DGCR2: variants seen among roughly 807,000 people sequenced by gnomAD.
The protein encoded by DGCR2 is DiGeorge syndrome critical region gene 2, also known as integral membrane protein DGCR2/IDD.
Under a neutral mutation model 51.6 loss-of-function variants are expected in DGCR2, and 24 were observed. The observed-to-expected ratio is 0.47, with a 90% CI of 0.34 to 0.65. The LOEUF is 0.65. Ranked by LOEUF, DGCR2 falls within the 30% of genes least tolerant of loss-of-function variation. The pLI is 0.01. For synonymous variants in DGCR2, 340 were observed against 315.4 expected (o/e 1.08, Z -0.82); for missense variants, 765 against 772.1 (o/e 0.99, Z 0.11).
At chr22:19,089,038 C>T (rs1205259060) in intron 2 of DGCR2, among the ~76,000 whole-genome samples, 1 of 152,084 alleles carries the variant, frequency 6.6e-6, no homozygotes, top group Non-Finnish European at 1.5e-5. Flanking sequence ...GGGATAAGGT[C>T]AGAGAGGTGG....
chr22:19,111,491 AG>A (rs60431479), intron 1 of DGCR2, among the ~76,000 whole-genome samples: 1 of 152,328 alleles, frequency 6.6e-6, no homozygotes, highest in East Asian at 1.9e-4. Context: ...TCTACTTAAA[AG>A]CTAAGTGATG....
intron 1 of DGCR2, among the ~76,000 whole-genome samples, chr22:19,103,697 G>GGATT (rs547646623): frequency 1.1e-3 from 160 of 142,704 alleles, no homozygotes; most frequent in African/African-American, 4.0e-3. Context: ...TAAAGTGTTG[G>GGATT]GATTACAGGC....
chr22:19,062,775 G>GCATT lies in DGCR2; in HGVS notation c.625+426_625+427insAATG, dbSNP rs1555903875. On this transcript the variant is annotated intron_variant, in intron 5 of 9. Coordinates refer to ENST00000263196, the MANE Select transcript of DGCR2 (RefSeq NM_005137.3). ...TCTTTGCGCACACACACACATGCATGCTCACTCTCTCTCTCTCTCTCTCTC... is the reference window on the plus strand; with the variant it reads ...TCTTTGCGCACACACACACATGCATGCATTCTCACTCTCTCTCTCTCTCTCTCTC... 9.1e-3 allele frequency among the ~76,000 whole-genome samples: 992 copies of GCATT among 108,638 alleles called. 19 individuals are homozygous for GCATT. The highest frequency in any genetic ancestry group is 0.014 in the Non-Finnish European group (736 of 51,280). 71.3% of individuals were successfully genotyped at this position (108,638 alleles called of 152,430 possible).
intron 7 of DGCR2, among the ~76,000 whole-genome samples, chr22:19,045,859 T>C (rs1206995591): frequency 2.6e-5 from 4 of 152,212 alleles, no homozygotes; most frequent in African/African-American, 7.2e-5. Context: ...CCTGAGTAGC[T>C]GGTATTATAG....
At chr22:19,112,419 G>GTAATACCAGCACTTTGGGA (rs1555911206) in intron 1 of DGCR2, among the ~76,000 whole-genome samples, 7 of 146,512 alleles carry the variant, frequency 4.8e-5, no homozygotes, top group African/African-American at 7.5e-5. Context: ...TAATAAACAT[G>GTAATACCAGCACTTTGGGA]GTTTCAAATC....
In DGCR2 at chr22:19,041,972, G is replaced by A. The variant is rs1175609853; in HGVS notation, c.1007-13C>T. The A allele has an allele frequency of 1.9e-6, 3 of 1,610,390 alleles. No individual in the cohort carries two copies. Among genetic ancestry groups the A allele is most frequent in the South Asian group, 1.1e-5 (1 of 90,694 alleles). On this transcript the variant is annotated splice_polypyrimidine_tract_variant and intron_variant, in intron 7 of 9. Coordinates refer to ENST00000263196, the MANE Select transcript of DGCR2 (RefSeq NM_005137.3). ...AGACTGTTGCCATCTGAGGGGGAGG[G>A]GAGGAAATGGCCGCTCTGAGAAGGG...
chr22:19,115,210 C>T (rs530078308), intron 1 of DGCR2, among the ~76,000 whole-genome samples: 26 of 152,344 alleles, frequency 1.7e-4, no homozygotes, highest in South Asian at 6.2e-4. Flanking sequence ...TCACACAGGG[C>T]AGTCCAGTTC....
chr22:19,099,681 T>C (rs2083180088), intron 1 of DGCR2, among the ~76,000 whole-genome samples: 1 of 151,894 alleles, frequency 6.6e-6, no homozygotes, highest in South Asian at 2.1e-4. Context: ...TTAAAAACAG[T>C]CACCCTTGGC....
At chr22:19,062,882 G>A (rs757091152) in intron 5 of DGCR2, among the ~76,000 whole-genome samples, 1 of 151,332 alleles carries the variant, frequency 6.6e-6, no homozygotes, top group Non-Finnish European at 1.5e-5. Context: ...CTCCCCTCCA[G>A]CCTGCCAGGG....
At chr22:19,043,576 G>A (rs1415763800) in intron 7 of DGCR2, among the ~76,000 whole-genome samples, 1 of 152,144 alleles carries the variant, frequency 6.6e-6, no homozygotes, top group South Asian at 2.1e-4. Flanking sequence ...AAGAGTGAAG[G>A]CCAGGGAGGC....
chr22:19,082,960 G>C (rs944553008), intron 2 of DGCR2, among the ~76,000 whole-genome samples: 2 of 151,702 alleles, frequency 1.3e-5, no homozygotes, highest in East Asian at 3.9e-4. Flanking sequence ...GGTGGTGCAC[G>C]CTTGTAGTCC....
At position 19,080,418 on chromosome 22, in the gene DGCR2, A is replaced by C. The variant is rs190907933; in HGVS notation, c.202+8950T>G. Among the ~76,000 whole-genome samples the C allele has an allele frequency of 5.6e-4, 86 of 152,338 alleles. 1 individual carries two copies. Among genetic ancestry groups the C allele is most frequent in the African/African-American group, 1.3e-3 (54 of 41,574 alleles). ...AACAATATAAAGAAGTATTCATGGG[A>C]TGTTTTACATTCTTTTTTTGTACTA... On this transcript the variant is annotated intron_variant, in intron 2 of 9. Transcript: ENST00000263196.
At chr22:19,051,496 G>T (rs1340845699) in intron 6 of DGCR2, among the ~76,000 whole-genome samples, 3 of 152,146 alleles carry the variant, frequency 2.0e-5, no homozygotes, top group Non-Finnish European at 2.9e-5. Context: ...CAATACAGGA[G>T]GATCACTTGA....
intron 1 of DGCR2, 139 bp downstream of exon 1, chr22:19,121,989 G>T (rs1419392261): frequency 3.3e-5 from 14 of 430,742 alleles, no homozygotes; most frequent in Non-Finnish European, 1.4e-5. Flanking sequence ...AGTGCCAGGC[G>T]GCCCGCGAGC....
chr22:19,055,309 G>A (rs5993485), intron 6 of DGCR2, among the ~76,000 whole-genome samples: 62,749 of 151,894 alleles, frequency 0.41, 13,399 homozygotes, highest in African/African-American at 0.53. Flanking sequence ...ATAAAAATCA[G>A]TACACTTTTG....
At chr22:19,074,020 T>C (rs1021128178) in intron 2 of DGCR2, among the ~76,000 whole-genome samples, 3 of 152,066 alleles carry the variant, frequency 2.0e-5, no homozygotes, top group African/African-American at 7.2e-5. Context: ...CTGATAGAGA[T>C]CTGTAACTGA....
At chr22:19,102,619 G>A (rs573737560) in intron 1 of DGCR2, among the ~76,000 whole-genome samples, 6 of 151,838 alleles carry the variant, frequency 4.0e-5, no homozygotes, top group Non-Finnish European at 5.9e-5. Context: ...GGAGAATGGC[G>A]TGAACCTGGG....
chr22:19,085,793 A>C lies in DGCR2; in HGVS notation c.202+3575T>G, dbSNP rs201724375. The stretch of plus-strand genomic sequence containing the variant: ...AGCAGGGCAATGAAGTAACCCCATA[A>C]GGTAACTCCAGAAGTCCTGAAGTCT... On this transcript the variant is annotated intron_variant, in intron 2 of 9. Coordinates refer to ENST00000263196, the MANE Select transcript of DGCR2 (RefSeq NM_005137.3). Among the ~76,000 whole-genome samples, 22 of 152,310 alleles carry C rather than the reference A, an allele frequency of 1.4e-4. No individual in the cohort carries two copies. The East Asian group carries it at 4.2e-3, about 29-fold the overall frequency.
intron 1 of DGCR2, among the ~76,000 whole-genome samples, chr22:19,116,472 A>ATGG (rs2083374517): frequency 1.3e-5 from 2 of 152,168 alleles, no homozygotes; most frequent in Non-Finnish European, 2.9e-5. Flanking sequence ...CATAATAACC[A>ATGG]TACCCAAGCC....
Sources: gnomAD v4.1 joint callset for allele counts (sites outside exome capture counted in the v4.1 genomes callset) on GRCh38, gnomAD v4.1.1 for gene constraint, MANE v1.5 for transcripts, NCBI Gene and HGNC (gene_info 2026-07-23, HGNC 2026-07-21) for gene names.